The following ITIH5 variants were observed in gnomAD, a reference collection of about 807,000 sequenced individuals.
The protein encoded by ITIH5 is inter-alpha-trypsin inhibitor heavy chain 5.
A neutral mutation model predicts 77.5 loss-of-function variants in ITIH5; 65 were observed. The observed-to-expected ratio is 0.84, with a 90% confidence interval of 0.69 to 1.03. ITIH5 has a LOEUF of 1.03. Among genes scored for constraint, ITIH5 ranks in the 50% least tolerant of loss-of-function variants. The pLI is 0.00. For synonymous variants in ITIH5, 525 were observed against 494.3 expected, an observed-to-expected ratio of 1.06 and a Z score of -0.82; for missense variants, 1,208 against 1,213.1, an observed-to-expected ratio of 1.00 and a Z score of 0.06.
Position 7,657,677 on chromosome 10 carries a change from G to A in ITIH5, c.91-2002C>T, listed in dbSNP as rs571924678. On this transcript the variant is annotated intron_variant, in intron 1 of 13. Transcript: ENST00000397146. ...AACATTCATTTTACTGGACTTCGAG[G>A]TTGTTCTCCAAATATATTCCTAGCT... 3.3e-5 allele frequency among the ~76,000 whole-genome samples: 5 copies of A among 152,266 alleles called. No homozygotes were observed. In the East Asian group the frequency reaches 9.6e-4, roughly 29 times the overall value.
At chr10:7,579,606 A>G in intron 9 of ITIH5, 149 bp downstream of exon 9, 1 of 752,520 alleles carries the variant, frequency 1.3e-6, no homozygotes, top group Admixed American at 2.5e-5. Context: ...TTCAAAACAC[A>G]TGGTGACACC....
intron 7 of ITIH5, among the ~76,000 whole-genome samples, chr10:7,592,455 C>T (rs907390933): frequency 6.6e-6 from 1 of 151,732 alleles, no homozygotes; most frequent in African/African-American, 2.4e-5. Flanking sequence ...GAGACAGAGA[C>T]AGACAGACAG....
chr10:7,664,399 C>CAAAAA (rs35992152), intron 1 of ITIH5, among the ~76,000 whole-genome samples: 1 of 118,680 alleles, frequency 8.4e-6, no homozygotes, highest in African/African-American at 3.2e-5. Context: ...GATTCCGTCT[C>CAAAAA]AAAAAAAAAA....
At chr10:7,626,271 G>A (rs925388737) in intron 5 of ITIH5, among the ~76,000 whole-genome samples, 2 of 152,172 alleles carry the variant, frequency 1.3e-5, no homozygotes, top group Non-Finnish European at 2.9e-5. Context: ...CCGGTATTGG[G>A]CTACAGAGAA....
rs549650915 is a variant in ITIH5 at position 7,656,900 on chromosome 10, C to T, written c.91-1225G>A. ...CTGGGATTACAGGTGCCTGCCACTA[C>T]GCCCCGCTAATTTTTGTATTTTTAG... On this transcript the variant is annotated intron_variant, in intron 1 of 13. Coordinates refer to ENST00000397146, the MANE Select transcript of ITIH5 (RefSeq NM_030569.7). Among the ~76,000 whole-genome samples the T allele has an allele frequency of 1.1e-4, 17 of 151,802 alleles. 1 individual carries two copies. Among genetic ancestry groups the T allele is most frequent in the East Asian group, 9.7e-4 (5 of 5,150 alleles).
intron 5 of ITIH5, among the ~76,000 whole-genome samples, chr10:7,634,460 T>G (rs1833766774): frequency 6.6e-6 from 1 of 152,192 alleles, no homozygotes; most frequent in Non-Finnish European, 1.5e-5. Context: ...TGTAAAAGCT[T>G]CATGTTCTGG....
At position 7,576,511 on chromosome 10, in the gene ITIH5, C is replaced by G. The variant is rs373462474; in HGVS notation, c.1920G>C (p.Ser640=). 4 of 1,611,118 alleles carry G rather than the reference C, an allele frequency of 2.5e-6. No individual in the cohort carries two copies. Among genetic ancestry groups the G allele is most frequent in the Non-Finnish European group, 3.4e-6 (4 of 1,179,916 alleles). ...CCACCGGTTCGGGTCCCATGGCAGC[C>G]GACATGCCGTGGGCCTCCTCCAGGC... ...MDGLEEAHGM[S]AAMGPEPVVQ... The change falls in exon 10 of 14, where the codon TCG becomes TCC. Residue 640 remains serine (S), a synonymous_variant. Transcript: ENST00000397146.
chr10:7,581,870 ATTTTTT>A (rs34386089), intron 8 of ITIH5, among the ~76,000 whole-genome samples: 1 of 81,452 alleles, frequency 1.2e-5, no homozygotes. Flanking sequence ...CCACCCATGT[ATTTTTT>A]TTTTTTTTTT....
rs546801170 is a variant in ITIH5, at chr10:7,567,747, A to C, written c.2150-1340T>G. On this transcript the variant is annotated intron_variant, in intron 12 of 13. Coordinates refer to ENST00000397146, the MANE Select transcript of ITIH5 (RefSeq NM_030569.7). ...TTGTCCTTAGACAAGTCAAAAAAAA[A>C]CCTGTAATCCCAGTTTCTGGGGAAG... 2.3e-3 allele frequency among the ~76,000 whole-genome samples: 357 copies of C among 152,252 alleles called. 1 individual carries two copies. The highest frequency in any genetic ancestry group is 3.4e-3 in the Non-Finnish European group (228 of 68,012).
In ITIH5 at chr10:7,562,750, G is replaced by A. The variant is rs1832061369; in HGVS notation, c.*333C>T. On this transcript the variant is annotated 3_prime_UTR_variant, in exon 14 of 14. Transcript: ENST00000397146. ...CCTTCACCAGAAAGGCTTACTTTAT[G>A]ATATGCTAACAGAACAGAAAAGCAG... is the stretch of plus-strand genomic sequence containing the variant. 3.9e-6 allele frequency: 1 copy of A among 259,728 alleles called. No homozygotes were observed. Among genetic ancestry groups the A allele is most frequent in the African/African-American group, 2.2e-5 (1 of 46,230 alleles). 16.1% of individuals were successfully genotyped at this position (259,728 alleles called of 1,614,324 possible).
intron 5 of ITIH5, among the ~76,000 whole-genome samples, chr10:7,626,373 C>T (rs985731708): frequency 1.4e-4 from 22 of 152,210 alleles, no homozygotes; most frequent in African/African-American, 5.3e-4. Flanking sequence ...AACAAGATAA[C>T]ATGGATTTTC....
chr10:7,616,167 A>G (rs1397514341), intron 6 of ITIH5, 69 bp from the exon 7 acceptor site: 15 of 849,152 alleles, frequency 1.8e-5, no homozygotes, highest in Non-Finnish European at 2.8e-5. Context: ...TGAAGTGGGT[A>G]GTCTATGGAA....
At chr10:7,616,196 T>C (rs1313227808) in intron 6 of ITIH5, 98 bp from the exon 7 acceptor site, 10 of 730,168 alleles carry the variant, frequency 1.4e-5, no homozygotes, top group Middle Eastern at 2.6e-4. Context: ...AGTTAAAGCA[T>C]GACAAAGAGT....
At position 7,652,256 on chromosome 10, in the gene ITIH5, G is replaced by A. The variant is rs532558227; in HGVS notation, c.135+3375C>T. ...TGGCAGTGTTACGGGAGTACCAGCT[G>A]TTGCCATCCACATTCTATTCATTAA... On this transcript the variant is annotated intron_variant, in intron 2 of 13. Transcript: ENST00000397146. Among the ~76,000 whole-genome samples the A allele has an allele frequency of 1.6e-4, 25 of 152,316 alleles. No individual in the cohort carries two copies. The South Asian group carries it at 4.6e-3, about 28-fold the overall frequency.
At chr10:7,586,837 T>TC (rs1491341414) in intron 7 of ITIH5, among the ~76,000 whole-genome samples, 3 of 129,960 alleles carry the variant, frequency 2.3e-5, no homozygotes, top group East Asian at 3.6e-4. Flanking sequence ...GCATTCTTCT[T>TC]ATTTTTTTTT....
Position 7,576,862 on chromosome 10 carries a change from C to T in ITIH5, c.1569G>A (p.Leu523=). 1 of 1,614,158 alleles carries T rather than the reference C, an allele frequency of 6.2e-7. No homozygotes were observed. Among genetic ancestry groups the T allele is most frequent in the African/African-American group, 1.3e-5 (1 of 75,022 alleles). ...IIAGKLVDRK[L]DHLHVEVTAS... is the part of the protein sequence containing the mutation. ...CGGTGACCTCCACGTGCAGGTGATCCAGCTTCCTGTCCACCAGCTTCCCCG... is the reference window on the plus strand; with the variant it reads ...CGGTGACCTCCACGTGCAGGTGATCTAGCTTCCTGTCCACCAGCTTCCCCG... Residue 523 remains leucine, a synonymous_variant, in exon 10 of 14, where the codon CTG becomes CTA. Coordinates refer to ENST00000397146, the MANE Select transcript of ITIH5 (RefSeq NM_030569.7).
At chr10:7,590,692 T>G (rs1332907622) in intron 7 of ITIH5, among the ~76,000 whole-genome samples, 1 of 152,250 alleles carries the variant, frequency 6.6e-6, no homozygotes, top group East Asian at 1.9e-4. Context: ...TGAGCAGCGC[T>G]GCTGGGAAGC....
intron 7 of ITIH5, among the ~76,000 whole-genome samples, chr10:7,591,345 G>A (rs938057380): frequency 3.9e-5 from 6 of 152,052 alleles, no homozygotes; most frequent in South Asian, 2.1e-4. Context: ...CTGCTTTCTC[G>A]TGACTTCCTG....
intron 2 of ITIH5, among the ~76,000 whole-genome samples, chr10:7,651,675 A>T (rs1047362851): frequency 6.6e-6 from 1 of 151,792 alleles, no homozygotes; most frequent in Non-Finnish European, 1.5e-5. Flanking sequence ...TACTCCCCCT[A>T]CCCTAAATCT....
Sources: allele counts gnomAD v4.1 joint callset (sites outside exome capture counted in the v4.1 genomes callset), GRCh38; gene constraint gnomAD v4.1.1; transcripts MANE v1.5; gene names NCBI Gene and HGNC (gene_info 2026-07-23, HGNC 2026-07-21).